Variants in INPP4B observed in about 807,000 individuals in gnomAD.
INPP4B encodes the protein inositol polyphosphate-4-phosphatase type II B.
Under a neutral mutation model 122.5 loss-of-function variants are expected in INPP4B, and 55 were observed. The ratio of observed to expected loss-of-function variants is 0.45; its 90% confidence interval spans 0.36 to 0.56. The LOEUF (loss-of-function observed/expected upper bound fraction) is 0.56, where lower values mean the gene tolerates loss of function less well. Ranked by LOEUF, INPP4B falls within the 20% of genes least tolerant of loss-of-function variation. The pLI is 0.00. For missense variants in INPP4B, 1,000 were observed against 1,097.7 expected, an observed-to-expected ratio of 0.91 and a Z score of 1.26; for synonymous variants, 403 against 388.7, an observed-to-expected ratio of 1.04 and a Z score of -0.43.
At chr4:142,578,298 G>A (rs936157513) in intron 2 of INPP4B, among the ~76,000 whole-genome samples, 1 of 151,958 alleles carries the variant, frequency 6.6e-6, no homozygotes, top group African/African-American at 2.4e-5. Context: ...CCGTAATGAT[G>A]AGATTTGCCT....
At chr4:142,646,764 G>T (rs537372411) in intron 2 of INPP4B, among the ~76,000 whole-genome samples, 2 of 152,336 alleles carry the variant, frequency 1.3e-5, no homozygotes, top group Admixed American at 6.5e-5. Context: ...TTCAGGTGTA[G>T]AAAGTAACCA....
chr4:142,376,255 CCTGA>C (rs1194948559), intron 7 of INPP4B, among the ~76,000 whole-genome samples: 9 of 151,960 alleles, frequency 5.9e-5, no homozygotes, highest in African/African-American at 1.7e-4. Context: ...CTTCTTCCCA[CCTGA>C]CTATTTTCAT....
chr4:142,392,495 T>C (rs979282882), intron 7 of INPP4B, among the ~76,000 whole-genome samples: 5 of 152,226 alleles, frequency 3.3e-5, no homozygotes, highest in Admixed American at 3.3e-4. Context: ...TAATGGTACA[T>C]ATGTTGCCTC....
intron 18 of INPP4B, among the ~76,000 whole-genome samples, chr4:142,140,670 A>G (rs1420241847): frequency 6.6e-6 from 1 of 152,202 alleles, no homozygotes; most frequent in Non-Finnish European, 1.5e-5. Flanking sequence ...TCATGGGTTT[A>G]GACATCCATC....
chr4:142,107,689 A>G (rs1466260078), intron 23 of INPP4B, among the ~76,000 whole-genome samples: 2 of 152,146 alleles, frequency 1.3e-5, no homozygotes, highest in Non-Finnish European at 2.9e-5. Context: ...ATTATATCTG[A>G]TGTTCTCCTG....
chr4:142,667,631 A>T (rs1756331393), intron 2 of INPP4B, among the ~76,000 whole-genome samples: 2 of 152,222 alleles, frequency 1.3e-5, no homozygotes. Context: ...ATGAGATTGC[A>T]TAAAAGGATC....
chr4:142,668,996 C>T (rs1756577439), intron 2 of INPP4B, among the ~76,000 whole-genome samples: 2 of 151,992 alleles, frequency 1.3e-5, no homozygotes, highest in African/African-American at 4.8e-5. Flanking sequence ...GTGGAGCTTG[C>T]AATGAGCGGA....
chr4:142,096,909 C>T (rs188777834), intron 23 of INPP4B, among the ~76,000 whole-genome samples: 1 of 152,176 alleles, frequency 6.6e-6, no homozygotes, highest in East Asian at 1.9e-4. Context: ...GGAATTTAGT[C>T]TCTCTTCTCC....
chr4:142,501,324 G>A (rs1412948761), intron 2 of INPP4B, among the ~76,000 whole-genome samples: 2 of 152,124 alleles, frequency 1.3e-5, no homozygotes, highest in Non-Finnish European at 2.9e-5. Flanking sequence ...TAACTGATTA[G>A]CAGCCAGAGG....
At chr4:142,082,908 T>G (rs1047001449) in intron 24 of INPP4B, among the ~76,000 whole-genome samples, 6 of 152,098 alleles carry the variant, frequency 3.9e-5, no homozygotes, top group Non-Finnish European at 8.8e-5. Flanking sequence ...AGGAGGATCA[T>G]TTGAGCTCAA....
At chr4:142,614,599 A>C (rs1385798229) in intron 2 of INPP4B, among the ~76,000 whole-genome samples, 1 of 152,152 alleles carries the variant, frequency 6.6e-6, no homozygotes, top group African/African-American at 2.4e-5. Context: ...TCAACAGAGT[A>C]AACAGGCAAC....
intron 25 of INPP4B, among the ~76,000 whole-genome samples, chr4:142,046,076 A>AG (rs1389749122): frequency 6.6e-6 from 1 of 151,492 alleles, no homozygotes; most frequent in Non-Finnish European, 1.5e-5. Flanking sequence ...GTAATAAAAA[A>AG]ATGTGTAAAC....
At chr4:142,750,343 T>C (rs1561028249) in intron 1 of INPP4B, among the ~76,000 whole-genome samples, 1 of 152,072 alleles carries the variant, frequency 6.6e-6, no homozygotes, top group Non-Finnish European at 1.5e-5. Flanking sequence ...ACAGGTGTAA[T>C]CATGTGTACA....
intron 2 of INPP4B, among the ~76,000 whole-genome samples, chr4:142,487,376 A>C (rs556532315): frequency 2.2e-4 from 33 of 152,290 alleles, no homozygotes; most frequent in African/African-American, 7.2e-4. Flanking sequence ...GTAAAATTTG[A>C]AAGTAGAGAA....
intron 11 of INPP4B, among the ~76,000 whole-genome samples, chr4:142,252,951 A>G (rs1162117591): frequency 6.6e-6 from 1 of 152,240 alleles, no homozygotes; most frequent in Non-Finnish European, 1.5e-5. Flanking sequence ...GTACACTTAC[A>G]GATACCTAGA....
intron 1 of INPP4B, among the ~76,000 whole-genome samples, chr4:142,791,932 C>CA (rs1776612098): frequency 6.6e-6 from 1 of 152,064 alleles, no homozygotes; most frequent in Non-Finnish European, 1.5e-5. Flanking sequence ...TCCTGGCACC[C>CA]ACGTATGGTT....
chr4:142,579,972 A>C (rs1734717828), intron 2 of INPP4B, among the ~76,000 whole-genome samples: 1 of 151,802 alleles, frequency 6.6e-6, no homozygotes, highest in Admixed American at 6.6e-5. Flanking sequence ...AAACTCTAAT[A>C]CATAGAAACC....
intron 1 of INPP4B, among the ~76,000 whole-genome samples, chr4:142,789,704 C>T (rs910373450): frequency 1.1e-4 from 16 of 151,964 alleles, no homozygotes; most frequent in African/African-American, 3.6e-4. Context: ...ATCAAAATAC[C>T]ATCAACATTC....
chr4:142,782,350 T>C (rs1467893838), intron 1 of INPP4B, among the ~76,000 whole-genome samples: 2 of 150,600 alleles, frequency 1.3e-5, no homozygotes, highest in African/African-American at 4.9e-5. Context: ...CCATGGTGTA[T>C]ATGTGCCACA....
Sources: allele counts gnomAD v4.1 joint callset (sites outside exome capture counted in the v4.1 genomes callset), GRCh38; gene constraint gnomAD v4.1.1; transcripts MANE v1.5; gene names NCBI Gene and HGNC (gene_info 2026-07-23, HGNC 2026-07-21).